Variants in NBEA observed in about 807,000 individuals in gnomAD.
NBEA encodes the protein lysosomal-trafficking regulator 2.
A neutral mutation model predicts 343.4 loss-of-function variants in NBEA; 44 were observed. That is an observed-to-expected ratio of 0.13 (90% confidence interval 0.10 to 0.16). The LOEUF is 0.16. Among genes scored for constraint, NBEA ranks in the 10% least tolerant of loss-of-function variants. NBEA has a pLI of 1.00. For synonymous variants in NBEA, 1,175 were observed against 1,238.7 expected, an observed-to-expected ratio of 0.95 and a Z score of 1.08; for missense variants, 2,555 against 3,631.3, an observed-to-expected ratio of 0.70 and a Z score of 7.62.
intron 1 of NBEA, among the ~76,000 whole-genome samples, chr13:34,944,406 T>C (rs533468624): frequency 3.9e-5 from 6 of 152,334 alleles, no homozygotes; most frequent in African/African-American, 1.4e-4. Flanking sequence ...ACAGAAAAGT[T>C]GAAGCTGTTT....
chr13:35,229,967 A>G (rs2074876936), intron 33 of NBEA, among the ~76,000 whole-genome samples: 1 of 152,146 alleles, frequency 6.6e-6, no homozygotes, highest in Non-Finnish European at 1.5e-5. Flanking sequence ...CAGCAGAATT[A>G]TTTGATAATG....
intron 1 of NBEA, among the ~76,000 whole-genome samples, chr13:35,015,163 A>G (rs561755323): frequency 1.4e-5 from 2 of 147,150 alleles, no homozygotes; most frequent in Non-Finnish European, 3.0e-5. Flanking sequence ...AAAACCACAC[A>G]CAAAGCAGGG....
chr13:35,518,837 G>A (rs955132833), intron 41 of NBEA, among the ~76,000 whole-genome samples: 1 of 152,114 alleles, frequency 6.6e-6, no homozygotes, highest in Non-Finnish European at 1.5e-5. Context: ...GGTGTGGGGG[G>A]AAGGTTGCAG....
chr13:35,171,510 A>C, intron 26 of NBEA, 58 bp downstream of exon 26: 1 of 1,405,330 alleles, frequency 7.1e-7, no homozygotes, highest in South Asian at 1.4e-5. Flanking sequence ...CAGCTTTATA[A>C]AGCACTATGG....
intron 38 of NBEA, among the ~76,000 whole-genome samples, chr13:35,352,610 T>C (rs1369195849): frequency 6.6e-6 from 1 of 152,098 alleles, no homozygotes; most frequent in East Asian, 1.9e-4. Context: ...GTCTCTCATA[T>C]GTAACATGGA....
intron 6 of NBEA, among the ~76,000 whole-genome samples, chr13:35,051,493 A>G (rs537983370): frequency 1.3e-5 from 2 of 152,112 alleles, no homozygotes; most frequent in South Asian, 4.1e-4. Flanking sequence ...TAATAAAAAT[A>G]TTTGCTTTAT....
At chr13:34,951,790 C>T (rs1431388598) in intron 1 of NBEA, among the ~76,000 whole-genome samples, 1 of 152,188 alleles carries the variant, frequency 6.6e-6, no homozygotes, top group Admixed American at 6.5e-5. Flanking sequence ...TGTAGTAAGA[C>T]ATGAATGGTG....
chr13:34,970,689 G>A (rs1226935051), intron 1 of NBEA, among the ~76,000 whole-genome samples: 5 of 152,170 alleles, frequency 3.3e-5, no homozygotes, highest in Admixed American at 2.6e-4. Flanking sequence ...TCAGATAGTG[G>A]TAGGTGTGCA....
intron 10 of NBEA, among the ~76,000 whole-genome samples, chr13:35,093,330 G>C (rs1428692811): frequency 7.0e-6 from 1 of 142,542 alleles, no homozygotes; most frequent in Non-Finnish European, 1.5e-5. Context: ...AAAAAAAAAA[G>C]AGAAATTTCA....
chr13:35,419,192 T>C lies in NBEA; in HGVS notation c.6180-13077T>C, dbSNP rs2044128160. On this transcript the variant is annotated intron_variant, in intron 38 of 58. Coordinates refer to ENST00000379939, the MANE Select transcript of NBEA (RefSeq NM_001385012.1). The stretch of plus-strand genomic sequence containing the variant: ...GAGATGCTTAACCTGTTCCATAAAC[T>C]AGGTAGCTTATGAACAACAGAAATT... Among the ~76,000 whole-genome samples, 2 of 152,198 alleles carry C rather than the reference T, an allele frequency of 1.3e-5. 1 individual carries two copies. Among genetic ancestry groups the C allele is most frequent in the South Asian group, 4.1e-4 (2 of 4,828 alleles).
intron 1 of NBEA, among the ~76,000 whole-genome samples, chr13:35,012,116 T>TA (rs2061509137): frequency 6.6e-6 from 1 of 152,230 alleles, no homozygotes; most frequent in South Asian, 2.1e-4. Context: ...TTTATGCCAC[T>TA]ATAATAGAAT....
At chr13:35,078,946 C>T (rs185680342) in intron 10 of NBEA, among the ~76,000 whole-genome samples, 13 of 151,938 alleles carry the variant, frequency 8.6e-5, no homozygotes, top group African/African-American at 3.1e-4. Flanking sequence ...TGTTTGAACC[C>T]GGGAGGCGGA....
intron 1 of NBEA, among the ~76,000 whole-genome samples, chr13:34,950,140 A>G (rs185584254): frequency 2.0e-5 from 3 of 152,308 alleles, no homozygotes; most frequent in Admixed American, 2.0e-4. Context: ...TGGACCAGAC[A>G]GAGAAACTGA....
chr13:35,309,673 C>G, intron 36 of NBEA, 81 bp downstream of exon 36: 1 of 706,066 alleles, frequency 1.4e-6, no homozygotes. Flanking sequence ...ACCATCTGTT[C>G]CAAAAATGTA....
chr13:35,116,894 C>G (rs2066521403), intron 13 of NBEA, among the ~76,000 whole-genome samples: 1 of 151,970 alleles, frequency 6.6e-6, no homozygotes, highest in South Asian at 2.1e-4. Context: ...ATTGACGCAG[C>G]ATAAATGCCC....
At chr13:35,003,206 C>T (rs2061204156) in intron 1 of NBEA, among the ~76,000 whole-genome samples, 1 of 152,076 alleles carries the variant, frequency 6.6e-6, no homozygotes, top group South Asian at 2.1e-4. Flanking sequence ...AACCTCATCT[C>T]TACAAAACAA....
At chr13:35,290,529 A>T in intron 35 of NBEA, 79 bp downstream of exon 35, 1 of 918,420 alleles carries the variant, frequency 1.1e-6, no homozygotes, top group South Asian at 1.5e-5. Context: ...GTGCATATAT[A>T]TGTGTATGTT....
intron 36 of NBEA, among the ~76,000 whole-genome samples, chr13:35,329,023 A>G (rs1318688529): frequency 1.3e-5 from 2 of 152,106 alleles, no homozygotes; most frequent in East Asian, 3.9e-4. Context: ...GAACTACACA[A>G]GTAGGCAAGA....
intron 17 of NBEA, among the ~76,000 whole-genome samples, chr13:35,133,225 AACTT>A (rs369270126): frequency 2.7e-4 from 41 of 152,268 alleles, no homozygotes; most frequent in African/African-American, 9.1e-4. Flanking sequence ...CTGAAGAGGA[AACTT>A]GAGTTAGCAG....
Sources: allele counts gnomAD v4.1 joint callset (sites outside exome capture counted in the v4.1 genomes callset), GRCh38; gene constraint gnomAD v4.1.1; transcripts MANE v1.5; gene names NCBI Gene and HGNC (gene_info 2026-07-23, HGNC 2026-07-21).